The following SLC39A8 variants were observed in gnomAD, a reference collection of about 807,000 sequenced individuals.
SLC39A8 encodes solute carrier family 39 member 8, also known as metal cation symporter ZIP8.
Under a neutral mutation model 40.4 loss-of-function variants are expected in SLC39A8, and 15 were observed. That is an observed-to-expected ratio of 0.37 (90% CI 0.25 to 0.57). SLC39A8 has a LOEUF of 0.57. Among genes scored for constraint, SLC39A8 ranks in the 20% least tolerant of loss-of-function variants. SLC39A8 has a pLI of 0.75. For synonymous variants in SLC39A8, 223 were observed against 221.6 expected, an observed-to-expected ratio of 1.01 and a Z score of -0.06; for missense variants, 472 against 558.8, an observed-to-expected ratio of 0.84 and a Z score of 1.57.
intron 2 of SLC39A8, among the ~76,000 whole-genome samples, chr4:102,341,187 C>A (rs1443276231): frequency 6.6e-6 from 1 of 152,076 alleles, no homozygotes; most frequent in African/African-American, 2.4e-5. Flanking sequence ...AAGAAAAAAA[C>A]TATGTGCACT....
chr4:102,330,341 T>G (rs2149050713), intron 2 of SLC39A8, among the ~76,000 whole-genome samples: 1 of 151,988 alleles, frequency 6.6e-6, no homozygotes, highest in East Asian at 1.9e-4. Context: ...AAAGGGGAAA[T>G]TACCACTTAT....
At chr4:102,293,167 G>C (rs895505255) in intron 6 of SLC39A8, among the ~76,000 whole-genome samples, 1 of 151,780 alleles carries the variant, frequency 6.6e-6, no homozygotes, top group Non-Finnish European at 1.5e-5. Context: ...AATCAGCCAA[G>C]TACAGATTAC....
At chr4:102,267,268 C>T (rs1392298205) in intron 8 of SLC39A8, among the ~76,000 whole-genome samples, 2 of 152,080 alleles carry the variant, frequency 1.3e-5, no homozygotes, top group East Asian at 3.9e-4. Context: ...CACCTTCAAA[C>T]AATACGATTA....
intron 6 of SLC39A8, among the ~76,000 whole-genome samples, chr4:102,284,368 G>C (rs183362724): frequency 6.6e-6 from 1 of 152,120 alleles, no homozygotes; most frequent in South Asian, 2.1e-4. Context: ...ATGATGTTGG[G>C]CTGTGTGTCC....
intron 3 of SLC39A8, among the ~76,000 whole-genome samples, chr4:102,312,788 T>C (rs926054354): frequency 2.0e-5 from 3 of 152,072 alleles, no homozygotes; most frequent in Non-Finnish European, 4.4e-5. Flanking sequence ...ATAAGAAAGG[T>C]ACTATTTTAG....
At chr4:102,283,704 A>G (rs1286604287) in intron 6 of SLC39A8, among the ~76,000 whole-genome samples, 3 of 152,222 alleles carry the variant, frequency 2.0e-5, no homozygotes, top group Non-Finnish European at 2.9e-5. Context: ...TTAGTTTATA[A>G]CATTTAATAA....
chr4:102,275,160 T>C (rs571554274), intron 6 of SLC39A8, among the ~76,000 whole-genome samples: 2 of 152,032 alleles, frequency 1.3e-5, no homozygotes, highest in East Asian at 3.9e-4. Flanking sequence ...GACTGGCAAA[T>C]TGGATAAAGA....
chr4:102,262,286 A>C lies in SLC39A8; in HGVS notation c.*758T>G. ...GAAACCGAGGTGTTACCAGCTTTAC[A>C]TACTGTTCTGCCATTTGTGAGGGGT... On this transcript the variant is annotated 3_prime_UTR_variant, in exon 9 of 9. Transcript: ENST00000356736. 2.0e-6 allele frequency: 2 copies of C among 985,780 alleles called. No homozygotes were observed. Among genetic ancestry groups the C allele is most frequent in the Non-Finnish European group, 2.4e-6 (2 of 829,932 alleles). The allele number at this position is 985,780 out of a possible 1,614,324, so 61.1% of individuals were successfully genotyped here. A position where few individuals can be genotyped will look rare whatever the true frequency, so the allele number is the denominator to read the frequency against.
chr4:102,331,352 T>C (rs1307633058), intron 2 of SLC39A8, among the ~76,000 whole-genome samples: 1 of 152,160 alleles, frequency 6.6e-6, no homozygotes, highest in East Asian at 1.9e-4. Flanking sequence ...TGTGCTAAAA[T>C]CACAAGCATT....
intron 3 of SLC39A8, among the ~76,000 whole-genome samples, chr4:102,315,300 A>G (rs1266226114): frequency 2.6e-5 from 4 of 152,188 alleles, no homozygotes; most frequent in African/African-American, 9.6e-5. Flanking sequence ...AGATAAACTG[A>G]CAAGCTTTAA....
intron 11 of SLC39A8, among the ~76,000 whole-genome samples, chr4:102,254,738 T>A (rs1731670783): frequency 1.3e-5 from 2 of 152,232 alleles, no homozygotes; most frequent in African/African-American, 4.8e-5. Flanking sequence ...TGATTTTGCA[T>A]GGCTTGTCAA....
chr4:102,258,512 A>G (rs964360465), downstream of SLC39A8, among the ~76,000 whole-genome samples: 3 of 152,128 alleles, frequency 2.0e-5, no homozygotes, highest in Non-Finnish European at 4.4e-5. Context: ...AAAATGTCCA[A>G]TCCAATGCAT....
intron 2 of SLC39A8, 21 bp from the exon 3 acceptor site, chr4:102,315,851 A>T (rs752559838): frequency 6.3e-7 from 1 of 1,590,838 alleles, no homozygotes; most frequent in Non-Finnish European, 8.6e-7. Context: ...ATAAACAAAA[A>T]AAAAATGTGA....
Position 102,262,500 on chromosome 4 carries a change from A to T in SLC39A8, c.*544T>A, listed in dbSNP as rs1344332489. 3.0e-6 allele frequency: 3 copies of T among 985,258 alleles called. No individual in the cohort carries two copies. Among genetic ancestry groups the T allele is most frequent in the African/African-American group, 1.7e-5 (1 of 57,250 alleles). 61.0% of individuals were successfully genotyped at this position (985,258 alleles called of 1,614,324 possible). On this transcript the variant is annotated 3_prime_UTR_variant, in exon 9 of 9. Transcript: ENST00000356736. ...CAAGTTCCTAATTGAAATACAAAAC[A>T]GAACAAAAAGCTGTGAGAAATCTTT...
chr4:102,265,026 G>A (rs1178113563), intron 8 of SLC39A8, among the ~76,000 whole-genome samples: 2 of 152,100 alleles, frequency 1.3e-5, no homozygotes, highest in Non-Finnish European at 2.9e-5. Flanking sequence ...CTTATTATTT[G>A]TGTGTTCATT....
chr4:102,309,788 T>G (rs911890102), intron 3 of SLC39A8, among the ~76,000 whole-genome samples: 20 of 152,060 alleles, frequency 1.3e-4, no homozygotes, highest in African/African-American at 4.8e-4. Flanking sequence ...ACAGGAACAG[T>G]AGGATCAATT....
In SLC39A8 at chr4:102,315,703, C is replaced by A. The variant is rs754865334; in HGVS notation, c.347G>T (p.Arg116Leu). The A allele has an allele frequency of 1.2e-6, 2 of 1,612,274 alleles. No individual in the cohort carries two copies. The highest frequency in any genetic ancestry group is 3.3e-5 in the Admixed American group (2 of 59,838). The change falls in exon 3 of 9, where the codon CGG becomes CTG. Residue 116 changes from arginine (R) to leucine (L), a missense_variant. Transcript: ENST00000356736. ...QQLNFHPCEDRPKHKTRPSHS... is the reference protein window; with the variant it reads ...QQLNFHPCEDLPKHKTRPSHS... ...ACTTGGTCTTGTTTTGTGCTTGGGCCGATCCTCACATGGGTGAAAGTTCAA... is the reference window on the plus strand; with the variant it reads ...ACTTGGTCTTGTTTTGTGCTTGGGCAGATCCTCACATGGGTGAAAGTTCAA...
intron 2 of SLC39A8, among the ~76,000 whole-genome samples, chr4:102,322,295 A>G (rs1734999052): frequency 6.6e-6 from 1 of 152,232 alleles, no homozygotes; most frequent in South Asian, 2.1e-4. Flanking sequence ...ACCCTGGATA[A>G]GCTGTACCTA....
At chr4:102,338,891 C>T (rs1302730223) in intron 2 of SLC39A8, among the ~76,000 whole-genome samples, 1 of 152,024 alleles carries the variant, frequency 6.6e-6, no homozygotes, top group African/African-American at 2.4e-5. Context: ...GGAGTAATGC[C>T]ACACAGTAAA....
Sources: allele counts gnomAD v4.1 joint callset (sites outside exome capture counted in the v4.1 genomes callset), GRCh38; gene constraint gnomAD v4.1.1; transcripts MANE v1.5; gene names NCBI Gene and HGNC (gene_info 2026-07-23, HGNC 2026-07-21).